The following PKHD1 variants were observed in gnomAD, a reference collection of about 807,000 sequenced individuals.
PKHD1 encodes PKHD1 ciliary IPT domain containing fibrocystin/polyductin.
PKHD1 carries 291 observed loss-of-function variants against 412.0 expected under a neutral mutation model. The observed-to-expected ratio is 0.71, with a 90% CI of 0.64 to 0.78. PKHD1 has a LOEUF of 0.78. Among genes scored for constraint, PKHD1 ranks in the 30% least tolerant of loss-of-function variants. The pLI, the probability that PKHD1 is intolerant of heterozygous loss-of-function variation, is 0.00. For missense variants in PKHD1, 4,825 were observed against 4,950.7 expected, an observed-to-expected ratio of 0.97 and a Z score of 0.76; for synonymous variants, 1,777 against 1,821.5, an observed-to-expected ratio of 0.98 and a Z score of 0.62.
chr6:51,745,145 T>C (rs186215530), intron 59 of PKHD1, among the ~76,000 whole-genome samples: 1 of 152,186 alleles, frequency 6.6e-6, no homozygotes, highest in Non-Finnish European at 1.5e-5. Flanking sequence ...TTAGTAATAA[T>C]ATTAAATATT....
intron 60 of PKHD1, among the ~76,000 whole-genome samples, chr6:51,694,080 TCACCACCAC>T (rs1167769729): frequency 3.9e-5 from 6 of 152,094 alleles, no homozygotes; most frequent in Non-Finnish European, 8.8e-5. Context: ...TCTTACCACC[TCACCACCAC>T]CACCATGCCA....
Position 51,934,335 on chromosome 6 carries a change from G to C in PKHD1, c.5909-13C>G. ...ATCAGCTTGCCCCCTAATGGACAAA[G>C]GGAAAATTGTCAGTCCCTGGGAGGA... is the stretch of plus-strand genomic sequence containing the variant. On this transcript the variant is annotated splice_polypyrimidine_tract_variant and intron_variant, in intron 36 of 66. Transcript: ENST00000371117. 1 of 1,583,940 alleles carries C rather than the reference G, an allele frequency of 6.3e-7. No homozygotes were observed. Among genetic ancestry groups the C allele is most frequent in the Non-Finnish European group, 8.7e-7 (1 of 1,154,046 alleles).
At chr6:51,731,183 A>G (rs1186817493) in intron 60 of PKHD1, among the ~76,000 whole-genome samples, 2 of 152,216 alleles carry the variant, frequency 1.3e-5, no homozygotes, top group Admixed American at 1.3e-4. Flanking sequence ...CTAGGAACAC[A>G]GCTTACTAGT....
In PKHD1 at chr6:51,767,395, G is replaced by C. The variant is rs544508496; in HGVS notation, c.8642+5307C>G. ...GTACATGTGCACAACGTGCAGGTTT[G>C]TTACATATGTATACATGTGCCATGT... On this transcript the variant is annotated intron_variant, in intron 55 of 66. Coordinates refer to ENST00000371117, the MANE Select transcript of PKHD1 (RefSeq NM_138694.4). Among the ~76,000 whole-genome samples the C allele has an allele frequency of 1.7e-3, 263 of 152,074 alleles. 1 individual carries two copies. Among genetic ancestry groups the C allele is most frequent in the Admixed American group, 6.4e-3 (98 of 15,248 alleles).
chr6:52,020,250 T>TCA (rs1258128219), intron 33 of PKHD1, among the ~76,000 whole-genome samples: 1 of 152,112 alleles, frequency 6.6e-6, no homozygotes, highest in South Asian at 2.1e-4. Context: ...ACAGCCATGG[T>TCA]AGAAATGCGT....
chr6:51,880,780 A>T (rs1419337881), intron 46 of PKHD1, among the ~76,000 whole-genome samples: 36 of 1,550 alleles, frequency 0.023, no homozygotes, highest in South Asian at 0.042. Context: ...AAAAAAAATT[A>T]AAAAAAAAAA....
At chr6:51,900,790 T>A (rs1220900031) in intron 43 of PKHD1, among the ~76,000 whole-genome samples, 1 of 151,408 alleles carries the variant, frequency 6.6e-6, no homozygotes, top group Non-Finnish European at 1.5e-5. Flanking sequence ...AGGGCTAATA[T>A]CCAGAATCTA....
At chr6:51,836,276 T>G in intron 51 of PKHD1, 128 bp downstream of exon 51, 1 of 732,262 alleles carries the variant, frequency 1.4e-6, no homozygotes, top group Non-Finnish European at 2.5e-6. Flanking sequence ...AATAGAGAGT[T>G]ATCAGACATA....
chr6:52,023,397 TTG>T (rs1157278751), intron 32 of PKHD1, among the ~76,000 whole-genome samples: 1 of 152,340 alleles, frequency 6.6e-6, no homozygotes, highest in African/African-American at 2.4e-5. Context: ...ACTTGCTTTT[TTG>T]CTTCAAAGTA....
rs1013288020 is a variant in PKHD1 at position 51,637,328 on chromosome 6, A to G, written c.11506+1521T>C. Among the ~76,000 whole-genome samples the G allele has an allele frequency of 7.2e-5, 11 of 152,320 alleles. No individual in the cohort carries two copies. In the East Asian group the frequency reaches 1.9e-3, roughly 27 times the overall value. ...AATTGGGAATCCCACGGTCAAGGAC[A>G]CTACACGTTTGTTATGAACCTGTAC... On this transcript the variant is annotated intron_variant, in intron 64 of 66. Coordinates refer to ENST00000371117, the MANE Select transcript of PKHD1 (RefSeq NM_138694.4).
chr6:51,767,595 A>C (rs1040532307), intron 55 of PKHD1, among the ~76,000 whole-genome samples: 27 of 152,088 alleles, frequency 1.8e-4, no homozygotes, highest in Admixed American at 8.5e-4. Context: ...TGATAGTTTG[A>C]TGAGAATGAT....
chr6:51,647,379 G>A (rs1770232981), intron 63 of PKHD1, among the ~76,000 whole-genome samples: 1 of 152,116 alleles, frequency 6.6e-6, no homozygotes, highest in Admixed American at 6.6e-5. Context: ...TGCAGAATAT[G>A]TTGCCAAACT....
intron 35 of PKHD1, among the ~76,000 whole-genome samples, chr6:52,009,972 T>C (rs1799598787): frequency 1.3e-5 from 2 of 152,040 alleles, no homozygotes; most frequent in African/African-American, 2.4e-5. Context: ...TAGGATCTGG[T>C]TAAATCGTAG....
intron 60 of PKHD1, among the ~76,000 whole-genome samples, chr6:51,665,719 G>A (rs556705670): frequency 6.6e-6 from 1 of 152,142 alleles, no homozygotes; most frequent in East Asian, 1.9e-4. Flanking sequence ...AAGGTAGATT[G>A]TTGTGTTTAG....
At chr6:51,702,224 T>TATATTATACGTATA (rs1562129855) in intron 60 of PKHD1, among the ~76,000 whole-genome samples, 14 of 147,736 alleles carry the variant, frequency 9.5e-5, no homozygotes, top group East Asian at 3.9e-4. Context: ...ATATATTATA[T>TATATTATACGTATA]ATATGTCATG....
chr6:52,063,565 A>G (rs1042293223), intron 13 of PKHD1, among the ~76,000 whole-genome samples: 22 of 152,360 alleles, frequency 1.4e-4, no homozygotes, highest in African/African-American at 5.1e-4. Flanking sequence ...GTAAGAGCAT[A>G]TTTTGAAAAT....
At position 51,870,495 on chromosome 6, in the gene PKHD1, A is replaced by G; in HGVS notation, c.7486+9T>C. 2 of 1,608,162 alleles carry G rather than the reference A, an allele frequency of 1.2e-6. No homozygotes were observed. Among genetic ancestry groups the G allele is most frequent in the Non-Finnish European group, 1.7e-6 (2 of 1,174,740 alleles). ...ATTTATCATCTGTTCTGTCTATTCA[A>G]ATAATTACCTTGTCCTTGGGAACAG... is the stretch of plus-strand genomic sequence containing the variant. On this transcript the variant is annotated intron_variant, in intron 47 of 66. Transcript: ENST00000371117.
chr6:52,045,566 T>C (rs1805670520), intron 24 of PKHD1, among the ~76,000 whole-genome samples: 1 of 152,200 alleles, frequency 6.6e-6, no homozygotes, highest in Non-Finnish European at 1.5e-5. Flanking sequence ...CAAATGCTAG[T>C]TGATCATTAG....
chr6:51,616,565 C>G lies in PKHD1; in HGVS notation c.*2516G>C. The G allele has an allele frequency of 2.7e-6, 1 of 373,540 alleles. No homozygotes were observed. The highest frequency in any genetic ancestry group is 3.9e-5 in the East Asian group (1 of 25,798). 23.1% of individuals were successfully genotyped at this position (373,540 alleles called of 1,614,324 possible). On this transcript the variant is annotated 3_prime_UTR_variant, in exon 67 of 67. Coordinates refer to ENST00000371117, the MANE Select transcript of PKHD1 (RefSeq NM_138694.4). The stretch of plus-strand genomic sequence containing the variant: ...TTTAGGAGAAAGAGGAGTAGCTTAA[C>G]TATGGGTTGAGGAATTTTAGCTAGA...
Sources: gnomAD v4.1 joint callset for allele counts (sites outside exome capture counted in the v4.1 genomes callset) on GRCh38, gnomAD v4.1.1 for gene constraint, MANE v1.5 for transcripts, NCBI Gene and HGNC (gene_info 2026-07-23, HGNC 2026-07-21) for gene names.